Variants in CNTN3 observed in about 807,000 individuals in gnomAD.
The protein encoded by CNTN3 is contactin-3.
In CNTN3, 60 loss-of-function variants were observed where a neutral mutation model predicts 119.1. The observed-to-expected ratio is 0.50, with a 90% confidence interval of 0.41 to 0.62. CNTN3 has a LOEUF of 0.62. CNTN3 is among the 20% of genes least tolerant of loss of function. CNTN3 has a pLI of 0.00. For missense variants in CNTN3, 1,101 were observed against 1,242.4 expected (o/e 0.89, Z 1.71); for synonymous variants, 450 against 438.7 (o/e 1.03, Z -0.32).
At chr3:74,438,593 G>A (rs1374918954) in intron 4 of CNTN3, among the ~76,000 whole-genome samples, 1 of 152,114 alleles carries the variant, frequency 6.6e-6, no homozygotes, top group Non-Finnish European at 1.5e-5. Flanking sequence ...TTATCCTCTT[G>A]CTTTTTATAG....
intron 17 of CNTN3, 52 bp downstream of exon 17, chr3:74,299,816 G>C (rs889654885): frequency 1.4e-6 from 2 of 1,469,256 alleles, no homozygotes; most frequent in African/African-American, 2.8e-5. Flanking sequence ...AAGCCATAAT[G>C]ATCATGGGAA....
chr3:74,266,781 T>C (rs1701669668), intron 21 of CNTN3, 132 bp from the exon 22 acceptor site: 2 of 737,420 alleles, frequency 2.7e-6, no homozygotes, highest in South Asian at 3.6e-5. Context: ...TTCATGACTC[T>C]AATTGTAAGT....
At chr3:74,589,349 T>C (rs1426210743) in intron 1 of CNTN3, among the ~76,000 whole-genome samples, 12 of 148,310 alleles carry the variant, frequency 8.1e-5, no homozygotes, top group African/African-American at 2.7e-4. Flanking sequence ...AAAAGACACA[T>C]GAAAAAATGC....
chr3:74,506,321 G>A (rs1258665169), intron 2 of CNTN3, among the ~76,000 whole-genome samples: 1 of 152,138 alleles, frequency 6.6e-6, no homozygotes, highest in Non-Finnish European at 1.5e-5. Flanking sequence ...AAAGTGCCCA[G>A]TGTTTTATGT....
Position 74,371,349 on chromosome 3 carries a change from CTTCTTCAACAAACGATGGGTA to C in CNTN3, c.484_504del (p.Tyr162_Glu168del). 6.2e-7 allele frequency: 1 copy of C among 1,613,442 alleles called. No individual in the cohort carries two copies. Among genetic ancestry groups the C allele is most frequent in the Non-Finnish European group, 8.5e-7 (1 of 1,179,602 alleles). On this transcript the variant is annotated inframe_deletion, in exon 6 of 23. Coordinates refer to ENST00000263665, the MANE Select transcript of CNTN3 (RefSeq NM_020872.3). ...TCCTGGGAGACAAATCTCCGACTAT[CTTCTTCAACAAACGATGGGTA>C]TTCATTGAAGATCCAAGCATATGAC...
At chr3:74,506,075 G>A (rs1703254327) in intron 2 of CNTN3, among the ~76,000 whole-genome samples, 1 of 152,102 alleles carries the variant, frequency 6.6e-6, no homozygotes, top group Admixed American at 6.6e-5. Flanking sequence ...GATTTTACCA[G>A]GAATTGCATT....
At chr3:74,569,245 A>T (rs1408748249) in intron 1 of CNTN3, among the ~76,000 whole-genome samples, 2 of 152,128 alleles carry the variant, frequency 1.3e-5, no homozygotes, top group Non-Finnish European at 2.9e-5. Flanking sequence ...TCACCTTCAC[A>T]AGCATTAAAC....
At chr3:74,336,420 GT>G in intron 12 of CNTN3, 110 bp downstream of exon 12, 1 of 1,157,108 alleles carries the variant, frequency 8.6e-7, no homozygotes, top group Non-Finnish European at 1.2e-6. Flanking sequence ...GCAAATACAG[GT>G]TCTACCTTCA....
chr3:74,433,279 C>A (rs1201753264), intron 4 of CNTN3, among the ~76,000 whole-genome samples: 2 of 152,060 alleles, frequency 1.3e-5, no homozygotes, highest in African/African-American at 2.4e-5. Context: ...TACTATGAAC[C>A]TGCAAGAAAC....
chr3:74,275,693 T>TA lies in CNTN3; in HGVS notation c.2705-8316dup, dbSNP rs60218648. Among the ~76,000 whole-genome samples the TA allele has an allele frequency of 1.1e-4, 17 of 148,410 alleles. No individual in the cohort carries two copies. The South Asian group carries it at 1.3e-3, about 11-fold the overall frequency. On this transcript the variant is annotated intron_variant, in intron 20 of 22. Coordinates refer to ENST00000263665, the MANE Select transcript of CNTN3 (RefSeq NM_020872.3). ...TAAAGCATAAATCTCAAAGGACCTA[T>TA]AAAAAAAAAATACAATTTAAAACAT...
chr3:74,583,394 AC>A (rs1704545591), intron 1 of CNTN3, among the ~76,000 whole-genome samples: 1 of 150,866 alleles, frequency 6.6e-6, no homozygotes. Flanking sequence ...GAAAAAAAAA[AC>A]CAGTGATACA....
chr3:74,332,828 A>T (rs1457587668), intron 13 of CNTN3, among the ~76,000 whole-genome samples: 1 of 152,248 alleles, frequency 6.6e-6, no homozygotes, highest in Admixed American at 6.5e-5. Flanking sequence ...TTCAATAATT[A>T]AAAGTAGTAG....
chr3:74,613,075 A>G (rs1331132188), intron 1 of CNTN3, among the ~76,000 whole-genome samples: 1 of 152,224 alleles, frequency 6.6e-6, no homozygotes, highest in Non-Finnish European at 1.5e-5. Context: ...CAAAAGTAAC[A>G]CATTTGACTT....
chr3:74,314,492 A>C (rs1352961733), intron 13 of CNTN3, among the ~76,000 whole-genome samples: 6 of 152,214 alleles, frequency 3.9e-5, no homozygotes, highest in Non-Finnish European at 8.8e-5. Context: ...ATCAAAAGAC[A>C]GCAGGAGTAG....
At chr3:74,351,279 G>A (rs577437237) in intron 11 of CNTN3, among the ~76,000 whole-genome samples, 3 of 152,194 alleles carry the variant, frequency 2.0e-5, no homozygotes, top group Non-Finnish European at 4.4e-5. Flanking sequence ...CAGCGACAAA[G>A]TTGGAAATAA....
intron 5 of CNTN3, among the ~76,000 whole-genome samples, 198 bp from the exon 6 acceptor site, chr3:74,371,597 C>G (rs1357138642): frequency 6.6e-6 from 1 of 152,140 alleles, no homozygotes; most frequent in Non-Finnish European, 1.5e-5. Context: ...CGTTGATTAG[C>G]ATCCTGGTGG....
At chr3:74,604,523 A>G (rs1464322383) in intron 1 of CNTN3, among the ~76,000 whole-genome samples, 1 of 152,178 alleles carries the variant, frequency 6.6e-6, no homozygotes, top group Non-Finnish European at 1.5e-5. Context: ...ATTTATCAAA[A>G]GAATACATAG....
In CNTN3 at chr3:74,614,608, C is replaced by T. The variant is rs926473709; in HGVS notation, c.-298G>A. On this transcript the variant is annotated 5_prime_UTR_variant, in exon 1 of 23. Coordinates refer to ENST00000263665, the MANE Select transcript of CNTN3 (RefSeq NM_020872.3). ...AGCCCGCCCGCCGCTGCCACCGCCG[C>T]CGCCGCCAAGCGCCAGGCTGCTGTG... Among the ~76,000 whole-genome samples the T allele has an allele frequency of 1.5e-4, 23 of 149,406 alleles. No homozygotes were observed. Among genetic ancestry groups the T allele is most frequent in the Admixed American group, 6.7e-4 (10 of 15,032 alleles).
chr3:74,585,443 C>T (rs1309251477), intron 1 of CNTN3, among the ~76,000 whole-genome samples: 4 of 152,068 alleles, frequency 2.6e-5, no homozygotes, highest in Non-Finnish European at 5.9e-5. Context: ...CATTTATTGA[C>T]ATTTGTGGGC....
Sources: gnomAD v4.1 joint callset for allele counts (sites outside exome capture counted in the v4.1 genomes callset) on GRCh38, gnomAD v4.1.1 for gene constraint, MANE v1.5 for transcripts, NCBI Gene and HGNC (gene_info 2026-07-23, HGNC 2026-07-21) for gene names.